The following KSR2 variants were observed in gnomAD, a reference collection of about 807,000 sequenced individuals.
KSR2 encodes the protein kinase suppressor of ras 2.
Under a neutral mutation model 107.8 loss-of-function variants are expected in KSR2, and 25 were observed. That is an observed-to-expected ratio of 0.23 (90% confidence interval 0.17 to 0.32). KSR2 has a LOEUF of 0.32. Among genes scored for constraint, KSR2 ranks in the 10% least tolerant of loss-of-function variants. The pLI is 1.00. For missense variants in KSR2, 887 were observed against 1,268.9 expected, an observed-to-expected ratio of 0.70 and a Z score of 4.57; for synonymous variants, 480 against 507.0, an observed-to-expected ratio of 0.95 and a Z score of 0.71.
chr12:117,792,012 T>G (rs1271258943), intron 3 of KSR2, among the ~76,000 whole-genome samples: 1 of 152,082 alleles, frequency 6.6e-6, no homozygotes, highest in Non-Finnish European at 1.5e-5. Context: ...TGACATTCCC[T>G]CTGTAAGATG....
chr12:117,928,121 A>G (rs1445327382), intron 1 of KSR2, among the ~76,000 whole-genome samples: 2 of 151,330 alleles, frequency 1.3e-5, no homozygotes, highest in African/African-American at 4.9e-5. Flanking sequence ...TTCACTCAGC[A>G]TCATGTTTTC....
At chr12:117,575,118 T>C (rs1039507396) in intron 7 of KSR2, among the ~76,000 whole-genome samples, 2 of 152,192 alleles carry the variant, frequency 1.3e-5, no homozygotes, top group Admixed American at 6.5e-5. Context: ...CATCTTATCA[T>C]ATGACCTAAT....
chr12:117,506,010 C>T (rs2137186499), intron 14 of KSR2, among the ~76,000 whole-genome samples: 1 of 152,356 alleles, frequency 6.6e-6, no homozygotes, highest in East Asian at 1.9e-4. Context: ...CTACTGAGGA[C>T]AAGCATGTCT....
rs755725620 is a variant in KSR2, at chr12:117,819,259, G to A, written c.472+36169C>T. ...TGAGTTATTTGGGAGGAAGTTCCCCGTCACTGCAGGTGTACACCAGCTAGG... is the reference window on the plus strand; with the variant it reads ...TGAGTTATTTGGGAGGAAGTTCCCCATCACTGCAGGTGTACACCAGCTAGG... On this transcript the variant is annotated intron_variant, in intron 3 of 19. Transcript: ENST00000339824. Among the ~76,000 whole-genome samples the A allele has an allele frequency of 1.3e-4, 20 of 152,044 alleles. 1 individual carries two copies. In the South Asian group the frequency reaches 2.1e-3, roughly 16 times the overall value.
rs549213225 is a variant in KSR2, at chr12:117,873,788, G to A, written c.181-13357C>T. ...GGTGCTTTCAAAATACAGACAACAA[G>A]GGATACAAAAATCAACTACACACCA... is the stretch of plus-strand genomic sequence containing the variant. On this transcript the variant is annotated intron_variant, in intron 1 of 19. Coordinates refer to ENST00000339824, the MANE Select transcript of KSR2 (RefSeq NM_173598.6). 8.7e-4 allele frequency among the ~76,000 whole-genome samples: 133 copies of A among 152,202 alleles called. 1 individual carries two copies. Among genetic ancestry groups the A allele is most frequent in the Middle Eastern group, 3.4e-3 (1 of 294 alleles).
intron 3 of KSR2, among the ~76,000 whole-genome samples, chr12:117,849,010 C>G (rs538256501): frequency 6.6e-6 from 1 of 152,232 alleles, no homozygotes; most frequent in South Asian, 2.1e-4. Flanking sequence ...CATAATATGT[C>G]GTATCCACAA....
At chr12:117,809,428 C>A (rs2166465) in intron 3 of KSR2, among the ~76,000 whole-genome samples, 47,348 of 151,948 alleles carry the variant, frequency 0.31, 7,665 homozygotes, top group East Asian at 0.44. Flanking sequence ...TGTGACAAGC[C>A]AACCTACCTC....
At chr12:117,796,251 C>T (rs1163926202) in intron 3 of KSR2, among the ~76,000 whole-genome samples, 2 of 152,144 alleles carry the variant, frequency 1.3e-5, no homozygotes, top group Admixed American at 6.5e-5. Flanking sequence ...TAAATACAAG[C>T]ATTGTCTCTT....
chr12:117,645,728 A>G (rs1265512120), intron 5 of KSR2, among the ~76,000 whole-genome samples: 1 of 152,144 alleles, frequency 6.6e-6, no homozygotes, highest in East Asian at 1.9e-4. Flanking sequence ...GTTTCTCATG[A>G]GGGCTAAGCA....
At chr12:117,546,101 T>G (rs144477008) in intron 9 of KSR2, among the ~76,000 whole-genome samples, 3 of 152,346 alleles carry the variant, frequency 2.0e-5, no homozygotes, top group African/African-American at 7.2e-5. Flanking sequence ...AGATTCTTTA[T>G]TACTTCTTTT....
At chr12:117,734,494 G>A (rs190636677) in intron 4 of KSR2, among the ~76,000 whole-genome samples, 1 of 152,128 alleles carries the variant, frequency 6.6e-6, no homozygotes, top group Admixed American at 6.5e-5. Flanking sequence ...TGGGGCCCGG[G>A]GTCCTCCAAG....
At chr12:117,468,749 T>C (rs1027315273) in intron 19 of KSR2, among the ~76,000 whole-genome samples, 1 of 152,186 alleles carries the variant, frequency 6.6e-6, no homozygotes, top group Non-Finnish European at 1.5e-5. Flanking sequence ...TGTACCTGTG[T>C]GTGTATGTGT....
intron 14 of KSR2, among the ~76,000 whole-genome samples, chr12:117,497,220 GACA>G (rs1873082980): frequency 6.6e-6 from 1 of 152,138 alleles, no homozygotes; most frequent in African/African-American, 2.4e-5. Flanking sequence ...GAGTGCAGGT[GACA>G]AGAAGGGCTG....
chr12:117,820,614 G>A (rs528778833), intron 3 of KSR2, among the ~76,000 whole-genome samples: 8 of 152,224 alleles, frequency 5.3e-5, no homozygotes, highest in Non-Finnish European at 7.4e-5. Context: ...GGCAGGTGCC[G>A]AGGTCATCTT....
intron 4 of KSR2, among the ~76,000 whole-genome samples, chr12:117,669,204 T>C (rs1372163214): frequency 1.3e-5 from 2 of 152,158 alleles, no homozygotes; most frequent in Non-Finnish European, 2.9e-5. Context: ...TAAGGAAATG[T>C]ATAGGTAACT....
chr12:117,753,643 C>A (rs2136835641), intron 4 of KSR2, among the ~76,000 whole-genome samples: 1 of 152,140 alleles, frequency 6.6e-6, no homozygotes, highest in African/African-American at 2.4e-5. Context: ...AGGGGAACAA[C>A]ACACACTGGG....
At chr12:117,486,937 A>G (rs1409846470) in intron 14 of KSR2, among the ~76,000 whole-genome samples, 1 of 152,238 alleles carries the variant, frequency 6.6e-6, no homozygotes, top group Non-Finnish European at 1.5e-5. Context: ...GGGGGCTTAG[A>G]GTAGGACTAA....
At chr12:117,832,722 C>T (rs1356295905) in intron 3 of KSR2, among the ~76,000 whole-genome samples, 1 of 152,224 alleles carries the variant, frequency 6.6e-6, no homozygotes, top group South Asian at 2.1e-4. Context: ...GTCTCTAGCC[C>T]TTCCTAAGTC....
At chr12:117,932,592 C>T (rs1895724439) in intron 1 of KSR2, among the ~76,000 whole-genome samples, 1 of 152,062 alleles carries the variant, frequency 6.6e-6, no homozygotes, top group Non-Finnish European at 1.5e-5. Flanking sequence ...TGTGGTGGCA[C>T]ACACCTGCAG....
Sources: allele counts gnomAD v4.1 joint callset (sites outside exome capture counted in the v4.1 genomes callset), GRCh38; gene constraint gnomAD v4.1.1; transcripts MANE v1.5; gene names NCBI Gene and HGNC (gene_info 2026-07-23, HGNC 2026-07-21).